CSTPP1: variants seen among roughly 807,000 people sequenced by gnomAD.
CSTPP1 encodes the protein UPF0705 protein C11orf49.
At chr11:47,083,127 A>T in the CSTPP1 span, among the ~76,000 whole-genome samples, 1 of 151,392 alleles carries the variant, frequency 6.6e-6, no homozygotes. Flanking sequence ...AAATGAGAAC[A>T]TGCGGTGTTT....
the CSTPP1 span, among the ~76,000 whole-genome samples, chr11:47,151,321 G>A: frequency 1.3e-5 from 2 of 151,870 alleles, no homozygotes; most frequent in African/African-American, 2.4e-5. Flanking sequence ...GCTGAGGCAG[G>A]AGAATCGCTT....
the CSTPP1 span, among the ~76,000 whole-genome samples, chr11:47,098,325 A>T: frequency 6.7e-6 from 1 of 150,092 alleles, no homozygotes; most frequent in Non-Finnish European, 1.5e-5. Flanking sequence ...TTTAAAAAAA[A>T]AATAAATAAA....
the CSTPP1 span, among the ~76,000 whole-genome samples, chr11:46,997,872 C>T: frequency 6.6e-6 from 1 of 152,100 alleles, no homozygotes; most frequent in African/African-American, 2.4e-5. Flanking sequence ...GCTGCAGAAC[C>T]GCAAATATTG....
the CSTPP1 span, among the ~76,000 whole-genome samples, chr11:47,019,047 G>A: frequency 6.7e-6 from 1 of 150,090 alleles, no homozygotes. Flanking sequence ...TGCTCTTGTT[G>A]CCCAAGCTGG....
the CSTPP1 span, among the ~76,000 whole-genome samples, chr11:47,043,428 C>T: frequency 6.6e-6 from 1 of 151,806 alleles, no homozygotes. Flanking sequence ...GCCTTACAGC[C>T]AGGTCTTAGT....
At chr11:47,028,073 G>A in the CSTPP1 span, among the ~76,000 whole-genome samples, 3 of 151,854 alleles carry the variant, frequency 2.0e-5, no homozygotes, top group Non-Finnish European at 4.4e-5. Context: ...ACAGGCGCCC[G>A]CCACCATGCC....
the CSTPP1 span, among the ~76,000 whole-genome samples, chr11:47,070,590 G>C: frequency 6.6e-6 from 1 of 152,136 alleles, no homozygotes; most frequent in South Asian, 2.1e-4. Flanking sequence ...TTGCATATTA[G>C]GATCAGCTAG....
the CSTPP1 span, among the ~76,000 whole-genome samples, chr11:47,080,231 G>A: frequency 5.3e-5 from 8 of 151,902 alleles, no homozygotes; most frequent in Non-Finnish European, 8.8e-5. Flanking sequence ...CGAGGCAGGC[G>A]GATCATGAGG....
At chr11:46,957,910 A>G in the CSTPP1 span, among the ~76,000 whole-genome samples, 1 of 152,188 alleles carries the variant, frequency 6.6e-6, no homozygotes, top group Admixed American at 6.5e-5. Context: ...AACTAATAGG[A>G]TATGTAAAGA....
chr11:47,000,527 A>C, the CSTPP1 span, among the ~76,000 whole-genome samples: 3 of 152,122 alleles, frequency 2.0e-5, no homozygotes, highest in Non-Finnish European at 4.4e-5. Flanking sequence ...GGATGATTTT[A>C]GTTTTTTGGT....
chr11:47,012,242 GTGAGACTGTGTC>G, the CSTPP1 span, among the ~76,000 whole-genome samples: 1 of 152,170 alleles, frequency 6.6e-6, no homozygotes, highest in Non-Finnish European at 1.5e-5. Flanking sequence ...GGGCAACAGA[GTGAGACTGTGTC>G]TCCAAAAAAA....
At chr11:46,991,445 G>A in the CSTPP1 span, 1 of 152,190 alleles carries the variant, frequency 6.6e-6, no homozygotes, top group East Asian at 1.9e-4. Context: ...GGATGAAGTA[G>A]AGAAAGGAAT....
chr11:47,142,311 G>A, the CSTPP1 span, among the ~76,000 whole-genome samples: 1 of 151,530 alleles, frequency 6.6e-6, no homozygotes, highest in Non-Finnish European at 1.5e-5. Flanking sequence ...AGTAATTGTG[G>A]TTTTGCCATT....
At chr11:47,159,762 T>G in the CSTPP1 span, 2 of 452,412 alleles carry the variant, frequency 4.4e-6, no homozygotes, top group African/African-American at 2.0e-5. Flanking sequence ...TCCCAACACT[T>G]TGGGAGGCCG....
At chr11:47,144,074 T>A in the CSTPP1 span, among the ~76,000 whole-genome samples, 2 of 152,364 alleles carry the variant, frequency 1.3e-5, no homozygotes, top group East Asian at 1.9e-4. Context: ...CCTGTTTTTA[T>A]ATCTGTAAAA....
At chr11:47,071,213 C>G in the CSTPP1 span, among the ~76,000 whole-genome samples, 4 of 152,176 alleles carry the variant, frequency 2.6e-5, no homozygotes. Flanking sequence ...TTTTATCTTT[C>G]CTTTTTCCCC....
chr11:47,142,004 G>A, the CSTPP1 span, among the ~76,000 whole-genome samples: 1 of 151,276 alleles, frequency 6.6e-6, no homozygotes, highest in Admixed American at 6.6e-5. Context: ...CAGCAGTTTG[G>A]GAGGCCAAGG....
chr11:46,976,353 T>G, the CSTPP1 span, among the ~76,000 whole-genome samples: 2 of 151,794 alleles, frequency 1.3e-5, no homozygotes, highest in South Asian at 4.2e-4. Flanking sequence ...AGTGGGTGAA[T>G]ATAGTCATTG....
chr11:47,075,635 C>T, the CSTPP1 span, among the ~76,000 whole-genome samples: 4 of 151,804 alleles, frequency 2.6e-5, no homozygotes, highest in South Asian at 2.1e-4. Context: ...TTGGAGGTGT[C>T]GGCCAGGCGT....
Sources: allele counts gnomAD v4.1 joint callset (sites outside exome capture counted in the v4.1 genomes callset), GRCh38; gene constraint gnomAD v4.1.1; transcripts MANE v1.5; gene names NCBI Gene and HGNC (gene_info 2026-07-23, HGNC 2026-07-21).